SYNE2: variants seen among roughly 807,000 people sequenced by gnomAD.
The protein encoded by SYNE2 is spectrin repeat containing nuclear envelope protein 2.
A neutral mutation model predicts 856.3 loss-of-function variants in SYNE2; 431 were observed. That is an observed-to-expected ratio of 0.50 (90% CI 0.47 to 0.55). SYNE2 has a LOEUF of 0.55. Ranked by LOEUF, SYNE2 falls within the 20% of genes least tolerant of loss-of-function variation. The probability of loss-of-function intolerance (pLI) is 0.00; values close to 1 mark genes in which losing one functional copy is unlikely to be tolerated. For missense variants in SYNE2, 8,129 were observed against 8,023.2 expected (o/e 1.01, Z -0.50); for synonymous variants, 2,923 against 2,872.3 (o/e 1.02, Z -0.56).
Position 64,225,403 on chromosome 14 carries a change from G to A in SYNE2, c.20601G>A (p.Leu6867=), listed in dbSNP as rs773691689. 3.7e-6 allele frequency: 6 copies of A among 1,613,966 alleles called. No individual in the cohort carries two copies. Among genetic ancestry groups the A allele is most frequent in the Non-Finnish European group, 5.1e-6 (6 of 1,179,958 alleles). ...TACCCCTGCAGCTGCTCCTCCTGCT[G>A]CTGCTGCTCCTGGCCTGCCTGCTGC... is the stretch of plus-strand genomic sequence containing the variant. ...AALPLQLLLL[L]LLLLACLLPS... Residue 6867 remains leucine, a synonymous_variant, in exon 116 of 116, where the codon CTG becomes CTA. Transcript: ENST00000555002.
chr14:64,215,918 C>A, intron 107 of SYNE2: 5 of 1,295,382 alleles, frequency 3.9e-6, no homozygotes, highest in Middle Eastern at 3.1e-4. Flanking sequence ...CTTCCCCTCA[C>A]TCCTGAGAGG....
At chr14:64,081,410 C>T (rs1165524557) in intron 56 of SYNE2, 33 bp from the exon 57 acceptor site, 1 of 1,613,842 alleles carries the variant, frequency 6.2e-7, no homozygotes, top group Non-Finnish European at 8.5e-7. Context: ...TAAAAGGCAT[C>T]TGACTAAGTT....
In SYNE2 at chr14:64,212,066, A is replaced by G. The variant is rs754364107; in HGVS notation, c.18829A>G (p.Ser6277Gly). 5.0e-6 allele frequency: 8 copies of G among 1,614,028 alleles called. No individual in the cohort carries two copies. In the East Asian group the frequency reaches 1.6e-4, roughly 31 times the overall value. Residue 6277 changes from serine (S) to glycine (G), a missense_variant, in exon 104 of 116, where the codon AGT becomes GGT. By Grantham distance (56) the Ser-to-Gly change is moderately conservative. Around this residue, in one of 3 missense-constraint regions of SYNE2, gnomAD observed 5,410 missense variants for 5,284.8 expected, o/e 1.02. Coordinates refer to ENST00000555002, the MANE Select transcript of SYNE2 (RefSeq NM_182914.3). ...QLTNVEHFSE[S>G]DADDKMRQLN... is the part of the protein sequence containing the mutation. Reference sequence around the variant, plus strand: ...GACCAACGTGGAGCACTTCTCAGAGAGTGACGCCGATGACAAGATGCGCCA... The same window carrying G: ...GACCAACGTGGAGCACTTCTCAGAGGGTGACGCCGATGACAAGATGCGCCA...
rs367639399 is a variant in SYNE2 at position 63,809,080 on chromosome 14, C to T, written c.-304-43421C>T. 2.6e-4 allele frequency among the ~76,000 whole-genome samples: 39 copies of T among 152,184 alleles called. 1 individual carries two copies. The highest frequency in any genetic ancestry group is 9.1e-4 in the African/African-American group (38 of 41,534). On this transcript the variant is annotated intron_variant, in intron 1 of 23. Coordinates refer to the SYNE2 transcript ENST00000674003. ...GGCCCGGAGGTCACACTGAACTTGGCTGCTTTGCTGGGTTTTGGATGTTTG... is the reference window on the plus strand; with the variant it reads ...GGCCCGGAGGTCACACTGAACTTGGTTGCTTTGCTGGGTTTTGGATGTTTG...
chr14:64,152,769 T>C, intron 85 of SYNE2, 53 bp downstream of exon 85: 1 of 1,609,154 alleles, frequency 6.2e-7, no homozygotes, highest in Non-Finnish European at 8.5e-7. Flanking sequence ...TCTTTTACCT[T>C]ATTTGTCGTT....
chr14:63,904,191 A>T (rs528671375), intron 1 of SYNE2, among the ~76,000 whole-genome samples: 1 of 152,166 alleles, frequency 6.6e-6, no homozygotes, highest in East Asian at 1.9e-4. Context: ...CATGGTGTGT[A>T]TGCACTACCT....
intron 93 of SYNE2, among the ~76,000 whole-genome samples, chr14:64,169,369 T>A (rs2153724848): frequency 6.6e-6 from 1 of 152,362 alleles, no homozygotes; most frequent in South Asian, 2.1e-4. Flanking sequence ...TCCCAGTAGG[T>A]AGCTAAATCC....
rs751926905 is a variant in SYNE2 at position 64,212,877 on chromosome 14, C to T, written c.18928C>T (p.Leu6310=). 5 of 1,614,184 alleles carry T rather than the reference C, an allele frequency of 3.1e-6. No individual in the cohort carries two copies. The highest frequency in any genetic ancestry group is 4.2e-6 in the Non-Finnish European group (5 of 1,180,046). ...IDQLIVFGEQ[L]IQKSEPLDAV... The stretch of plus-strand genomic sequence containing the variant: ...TCAGCTCATTGTGTTTGGGGAGCAG[C>T]TGATTCAGAAGAGCGAGCCCCTGGA... Residue 6310 remains leucine, a synonymous_variant, in exon 105 of 116, where the codon CTG becomes TTG. Transcript: ENST00000555002.
At chr14:63,954,474 C>T (rs1359563909) in intron 7 of SYNE2, among the ~76,000 whole-genome samples, 1 of 152,210 alleles carries the variant, frequency 6.6e-6, no homozygotes, top group African/African-American at 2.4e-5. Context: ...CTAACACCTG[C>T]ACCCCATGTG....
Position 64,189,934 on chromosome 14 carries a change from A to G in SYNE2, c.17872-137A>G, listed in dbSNP as rs568170641. 4.2e-6 allele frequency: 4 copies of G among 956,796 alleles called. No homozygotes were observed. The East Asian group carries it at 1.0e-4, about 25-fold the overall frequency. 59.3% of individuals were successfully genotyped at this position (956,796 alleles called of 1,614,324 possible). On this transcript the variant is annotated intron_variant, in intron 98 of 115. Transcript: ENST00000555002. ...TGCCTCGGCTTCCCAAACTGCTGGGATTATTGGTATGAGCCACTATGCCTG... is the reference window on the plus strand; with the variant it reads ...TGCCTCGGCTTCCCAAACTGCTGGGGTTATTGGTATGAGCCACTATGCCTG...
At chr14:64,183,095 C>T (rs1028687582) in intron 96 of SYNE2, among the ~76,000 whole-genome samples, 1 of 146,912 alleles carries the variant, frequency 6.8e-6, no homozygotes, top group South Asian at 2.1e-4. Context: ...GGCTGCCGGG[C>T]GGAGGGGCTC....
At chr14:63,960,835 A>C (rs1196335705) in intron 8 of SYNE2, 1 of 750,930 alleles carries the variant, frequency 1.3e-6, no homozygotes, top group African/African-American at 1.7e-5. Context: ...GTTTGAGGCC[A>C]GGAGTTTGAG....
intron 98 of SYNE2, 76 bp downstream of exon 98, chr14:64,188,784 CAG>C: frequency 8.8e-6 from 13 of 1,472,160 alleles, no homozygotes; most frequent in South Asian, 4.6e-5. Context: ...TAAGCCCAAA[CAG>C]GGGCAATGTT....
At chr14:63,953,739 A>G (rs1290493504) in intron 7 of SYNE2, among the ~76,000 whole-genome samples, 6 of 151,882 alleles carry the variant, frequency 4.0e-5, no homozygotes, top group Non-Finnish European at 8.8e-5. Flanking sequence ...TTAAACTAGA[A>G]CTCCCCATCA....
intron 1 of SYNE2, among the ~76,000 whole-genome samples, chr14:63,799,109 C>T (rs754656139): frequency 6.6e-6 from 1 of 152,212 alleles, no homozygotes; most frequent in Admixed American, 6.5e-5. Context: ...GACAGACTTT[C>T]GCTCTGTCAT....
chr14:64,098,216 T>C, intron 62 of SYNE2, 70 bp downstream of exon 62: 1 of 1,531,048 alleles, frequency 6.5e-7, no homozygotes, highest in Non-Finnish European at 9.0e-7. Flanking sequence ...GTTTTCCACC[T>C]GAACGACCTG....
intron 99 of SYNE2, among the ~76,000 whole-genome samples, chr14:64,196,104 A>G (rs985716999): frequency 1.3e-5 from 2 of 152,208 alleles, no homozygotes; most frequent in Admixed American, 1.3e-4. Flanking sequence ...GGAACAGCCA[A>G]CCACGTGGGC....
rs2097827386 is a variant in SYNE2, at chr14:64,113,322, A to G, written c.12610-19A>G. The G allele has an allele frequency of 1.2e-6, 2 of 1,613,032 alleles. No homozygotes were observed. Among genetic ancestry groups the G allele is most frequent in the East Asian group, 2.2e-5 (1 of 44,888 alleles). On this transcript the variant is annotated intron_variant, in intron 65 of 115. Transcript: ENST00000555002. ...CTGAAAACTTTGGACTCCCTGGCTT[A>G]TCTTTGGATTTCTCTTAGGGCACCA... is the stretch of plus-strand genomic sequence containing the variant.
chr14:63,958,381 G>A (rs2096267326), intron 8 of SYNE2, among the ~76,000 whole-genome samples: 1 of 152,130 alleles, frequency 6.6e-6, no homozygotes, highest in Non-Finnish European at 1.5e-5. Flanking sequence ...GACCTTGACA[G>A]TTTTAGAGAT....
Sources: allele counts gnomAD v4.1 joint callset (sites outside exome capture counted in the v4.1 genomes callset), GRCh38; gene constraint gnomAD v4.1.1; regional missense constraint gnomAD v4.1.1; transcripts MANE v1.5; gene names NCBI Gene and HGNC (gene_info 2026-07-23, HGNC 2026-07-21).